The following OR5K1 variants were observed in gnomAD, a reference collection of about 807,000 sequenced individuals.
OR5K1 encodes olfactory receptor family 5 subfamily K member 1.
Under a neutral mutation model 10.4 loss-of-function variants are expected in OR5K1, and 7 were observed. The ratio of observed to expected loss-of-function variants is 0.67; its 90% CI spans 0.38 to 1.26. The LOEUF is 1.26. OR5K1 is among the 50% of genes most tolerant of loss of function. OR5K1 has a pLI of 0.02. For missense variants in OR5K1, 435 were observed against 366.2 expected, an observed-to-expected ratio of 1.19 and a Z score of -1.53; for synonymous variants, 135 against 128.5, an observed-to-expected ratio of 1.05 and a Z score of -0.34.
chr3:98,468,819 G>GTACATATATA (rs1256488520), intron 1 of OR5K1, among the ~76,000 whole-genome samples: 1 of 152,018 alleles, frequency 6.6e-6, no homozygotes, highest in Non-Finnish European at 1.5e-5. Flanking sequence ...TTGTTAATCA[G>GTACATATATA]TACATATATA....
rs1479810640 is a variant in OR5K1, at chr3:98,472,466, A to G, written c.*1963A>G. 1 of 151,748 alleles carries G rather than the reference A, an allele frequency of 6.6e-6. No individual in the cohort carries two copies. Among genetic ancestry groups the G allele is most frequent in the African/African-American group, 2.4e-5 (1 of 41,326 alleles). 9.4% of individuals were successfully genotyped at this position (151,748 alleles called of 1,614,324 possible). A position where few individuals can be genotyped will look rare whatever the true frequency, so the allele number is the denominator to read the frequency against. On this transcript the variant is annotated 3_prime_UTR_variant, in exon 2 of 2. Transcript: ENST00000642057. ...TGTCACCCCACTCCCATGCCAGGAC[A>G]CCCCCTGGGAATTGAAACCACAGAA...
At chr3:98,467,905 C>T (rs1454658903) in intron 1 of OR5K1, among the ~76,000 whole-genome samples, 1 of 150,146 alleles carries the variant, frequency 6.7e-6, no homozygotes, top group Non-Finnish European at 1.5e-5. Flanking sequence ...CTTCTCCTGC[C>T]TGATTGCCCT....
Position 98,465,447 on chromosome 3 carries a change from T to C in OR5K1, c.-12+2140T>C, listed in dbSNP as rs147949994. On this transcript the variant is annotated intron_variant, in intron 1 of 1. Coordinates refer to ENST00000642057, the MANE Select transcript of OR5K1 (RefSeq NM_001004736.4). ...TGAAATTACAATGGACATCATTTTA[T>C]GTCAATCTTTGTAGAAGAGTCTAAT... Among the ~76,000 whole-genome samples, 82 of 152,280 alleles carry C rather than the reference T, an allele frequency of 5.4e-4. No homozygotes were observed. The East Asian group carries it at 0.013, about 23-fold the overall frequency.
In OR5K1 at chr3:98,470,306, C is replaced by A. The variant is rs1344380794; in HGVS notation, c.730C>A (p.His244Asn). 6.2e-7 allele frequency: 1 copy of A among 1,613,300 alleles called. No homozygotes were observed. Among genetic ancestry groups the A allele is most frequent in the Non-Finnish European group, 8.5e-7 (1 of 1,179,618 alleles). ...RAKAFSTCASHFLSVSLFYGS... is the reference protein window; with the variant it reads ...RAKAFSTCASNFLSVSLFYGS... ...CAAAGCTTTTTCTACCTGTGCATCC[C>A]ACTTTTTGTCAGTTTCATTATTCTA... is the stretch of plus-strand genomic sequence containing the variant. Residue 244 changes from histidine to asparagine, a missense_variant, in exon 2 of 2, where the codon CAC becomes AAC. Coordinates refer to ENST00000642057, the MANE Select transcript of OR5K1 (RefSeq NM_001004736.4).
chr3:98,463,629 T>G (rs993269507), intron 1 of OR5K1, among the ~76,000 whole-genome samples: 1 of 125,626 alleles, frequency 8.0e-6, no homozygotes, highest in East Asian at 2.6e-4. Context: ...ATAAACTTGA[T>G]GAAATGAATT....
In OR5K1 at chr3:98,470,023, C is replaced by T; in HGVS notation, c.447C>T (p.Phe149=). The T allele has an allele frequency of 6.2e-7, 1 of 1,613,632 alleles. No homozygotes were observed. Among genetic ancestry groups the T allele is most frequent in the Non-Finnish European group, 8.5e-7 (1 of 1,179,764 alleles). The change falls in exon 2 of 2, where the codon TTC becomes TTT. Residue 149 remains phenylalanine, a synonymous_variant. Transcript: ENST00000642057. ...KLCIQMTTGA[F]IAGNLHSMIH... ...GCATTCAGATGACCACAGGGGCCTT[C>T]ATAGCTGGAAACCTGCATTCCATGA...
intron 1 of OR5K1, among the ~76,000 whole-genome samples, chr3:98,467,062 G>A (rs1449722905): frequency 9.8e-6 from 1 of 102,342 alleles, no homozygotes; most frequent in Non-Finnish European, 1.9e-5. Flanking sequence ...AATCCATCTT[G>A]AATTGATTTT....
intron 1 of OR5K1, among the ~76,000 whole-genome samples, chr3:98,467,742 A>C (rs1340158515): frequency 7.4e-6 from 1 of 134,510 alleles, no homozygotes; most frequent in African/African-American, 3.0e-5. Context: ...ATTTTTTTAC[A>C]TTGATTTTGT....
In OR5K1 at chr3:98,469,858, CT is replaced by C; in HGVS notation, c.283del (p.Tyr95MetfsTer41). 6.2e-7 allele frequency: 1 copy of C among 1,613,796 alleles called. No homozygotes were observed. Among genetic ancestry groups the C allele is most frequent in the Non-Finnish European group, 8.5e-7 (1 of 1,179,784 alleles). The stretch of plus-strand genomic sequence containing the variant: ...TTTCTGAGAACAAAAGGATTTCCCT[CT>C]ATGAATGTGCAGTACAGTTTTATTT... ...FFSENKRISLYECAVQFYFLC... is the reference protein window; with the variant it reads ...FFSENKRISLXECAVQFYFLC... On this transcript the variant is annotated frameshift_variant, in exon 2 of 2. Transcript: ENST00000642057. LOFTEE classifies it low-confidence loss of function (END_TRUNC).
intron 1 of OR5K1, among the ~76,000 whole-genome samples, chr3:98,466,046 C>T (rs141770585): frequency 1.2e-4 from 18 of 152,056 alleles, no homozygotes; most frequent in East Asian, 3.9e-4. Flanking sequence ...TATCCCTCCC[C>T]GGTCCCCCGA....
chr3:98,468,322 G>T lies in OR5K1; in HGVS notation c.-11-1244G>T, dbSNP rs553561533. On this transcript the variant is annotated intron_variant, in intron 1 of 1. Coordinates refer to ENST00000642057, the MANE Select transcript of OR5K1 (RefSeq NM_001004736.4). Reference sequence around the variant, plus strand: ...AAAATAGGCATTTAAATTTTTTATTGTGATAGAAAATACATAAAATTTATC... The same window carrying T: ...AAAATAGGCATTTAAATTTTTTATTTTGATAGAAAATACATAAAATTTATC... Among the ~76,000 whole-genome samples, 38 of 152,094 alleles carry T rather than the reference G, an allele frequency of 2.5e-4. No individual in the cohort carries two copies. In the Middle Eastern group the frequency reaches 0.014, roughly 54 times the overall value.
At chr3:98,465,886 T>C (rs1409950143) in intron 1 of OR5K1, among the ~76,000 whole-genome samples, 1 of 57,604 alleles carries the variant, frequency 1.7e-5, no homozygotes, top group Non-Finnish European at 3.7e-5. Flanking sequence ...TAAATAAATT[T>C]GTCTTTTTTT....
intron 1 of OR5K1, among the ~76,000 whole-genome samples, chr3:98,468,906 G>C (rs1705406255): frequency 6.6e-6 from 1 of 152,082 alleles, no homozygotes; most frequent in Non-Finnish European, 1.5e-5. Flanking sequence ...AACCCATATA[G>C]AGAAGTGTTG....
chr3:98,467,081 C>G (rs181093194), intron 1 of OR5K1, among the ~76,000 whole-genome samples: 5,184 of 73,660 alleles, frequency 0.07, 648 homozygotes, highest in African/African-American at 0.16. Context: ...TTTGTATAAG[C>G]TGTAAGGAAG....
Position 98,471,980 on chromosome 3 carries a change from A to G in OR5K1, c.*1477A>G, listed in dbSNP as rs1705452692. ...ATTAAATTCCATCAATTTAGGATTT[A>G]CCCAACACTACCTACATCCTTCCTT... is the stretch of plus-strand genomic sequence containing the variant. On this transcript the variant is annotated 3_prime_UTR_variant, in exon 2 of 2. Transcript: ENST00000642057. 1 of 152,034 alleles carries G rather than the reference A, an allele frequency of 6.6e-6. No homozygotes were observed. Among genetic ancestry groups the G allele is most frequent in the African/African-American group, 2.4e-5 (1 of 41,434 alleles). The allele number at this position is 152,034 out of a possible 1,614,324, so 9.4% of individuals were successfully genotyped here.
rs112214721 is a variant in OR5K1, at chr3:98,469,954, A to C, written c.378A>C (p.Ile126=). 2,129 of 1,613,726 alleles carry C rather than the reference A, an allele frequency of 1.3e-3. 10 individuals carry two copies. The highest frequency in any genetic ancestry group is 9.3e-3 in the African/African-American group (697 of 75,020). The change falls in exon 2 of 2, where the codon ATA becomes ATC. Residue 126 remains isoleucine (I), a synonymous_variant. Transcript: ENST00000642057. The part of the protein sequence containing the change: ...AAMAYDRYVA[I]CNPLQYHIMM... ...TGGCCTATGACCGCTATGTGGCCAT[A>C]TGCAACCCACTGCAGTACCACATCA...
rs1479761031 is a variant in OR5K1 at position 98,471,469 on chromosome 3, T to C, written c.*966T>C. 1.3e-5 allele frequency: 2 copies of C among 152,044 alleles called. No homozygotes were observed. Among genetic ancestry groups the C allele is most frequent in the South Asian group, 2.1e-4 (1 of 4,834 alleles). The allele number at this position is 152,044 out of a possible 1,614,324, so 9.4% of individuals were successfully genotyped here. On this transcript the variant is annotated 3_prime_UTR_variant, in exon 2 of 2. Transcript: ENST00000642057. Reference sequence around the variant, plus strand: ...ATTGTGGGTAGAGTAATGATCTTAATGTGATATCATTTTAAAAATTACTTT... The same window carrying C: ...ATTGTGGGTAGAGTAATGATCTTAACGTGATATCATTTTAAAAATTACTTT...
At chr3:98,468,747 T>C (rs1046999080) in intron 1 of OR5K1, among the ~76,000 whole-genome samples, 4 of 152,102 alleles carry the variant, frequency 2.6e-5, no homozygotes, top group African/African-American at 9.7e-5. Context: ...CTTCCACCTT[T>C]TGACTATTAT....
At position 98,470,562 on chromosome 3, in the gene OR5K1, A is replaced by G. The variant is rs1179917340; in HGVS notation, c.*59A>G. 1 of 1,001,886 alleles carries G rather than the reference A, an allele frequency of 1.0e-6. No homozygotes were observed. Among genetic ancestry groups the G allele is most frequent in the Non-Finnish European group, 1.5e-6 (1 of 680,162 alleles). The allele number at this position is 1,001,886 out of a possible 1,614,324, so 62.1% of individuals were successfully genotyped here. A position where few individuals can be genotyped will look rare whatever the true frequency, so the allele number is the denominator to read the frequency against. ...ATAGCTTAATGATTTAAATGCAGCA[A>G]AAACTTCCATGTGAAATTACACAGG... is the stretch of plus-strand genomic sequence containing the variant. On this transcript the variant is annotated 3_prime_UTR_variant, in exon 2 of 2. Transcript: ENST00000642057.
Sources: gnomAD v4.1 joint callset for allele counts (sites outside exome capture counted in the v4.1 genomes callset) on GRCh38, gnomAD v4.1.1 for gene constraint, MANE v1.5 for transcripts, NCBI Gene and HGNC (gene_info 2026-07-23, HGNC 2026-07-21) for gene names.